SHANK2: variants seen among roughly 807,000 people sequenced by gnomAD.
The protein encoded by SHANK2 is SH3 and multiple ankyrin repeat domains protein 2.
A neutral mutation model predicts 133.7 loss-of-function variants in SHANK2; 43 were observed. The observed-to-expected ratio is 0.32, with a 90% CI of 0.25 to 0.41. The LOEUF is 0.41. Among genes scored for constraint, SHANK2 ranks in the 10% least tolerant of loss-of-function variants. The pLI is 1.00. For synonymous variants in SHANK2, 1,017 were observed against 952.8 expected, an observed-to-expected ratio of 1.07 and a Z score of -1.24; for missense variants, 1,994 against 2,235.8, an observed-to-expected ratio of 0.89 and a Z score of 2.18.
intron 11 of SHANK2, among the ~76,000 whole-genome samples, chr11:70,821,649 T>C (rs1443095090): frequency 6.6e-6 from 1 of 152,120 alleles, no homozygotes; most frequent in Non-Finnish European, 1.5e-5. Context: ...GGTCTCGAAC[T>C]CCCGATCTTG....
chr11:71,077,865 T>A (rs1320336267), intron 8 of SHANK2, among the ~76,000 whole-genome samples: 1 of 152,114 alleles, frequency 6.6e-6, no homozygotes, highest in Non-Finnish European at 1.5e-5. Context: ...AAAACTAGAA[T>A]ATGCCTTGTG....
At chr11:70,836,642 T>C (rs1307322078) in intron 11 of SHANK2, among the ~76,000 whole-genome samples, 3 of 152,204 alleles carry the variant, frequency 2.0e-5, no homozygotes, top group African/African-American at 7.2e-5. Context: ...AGACTGCAGA[T>C]GCCAGGACCA....
chr11:70,859,599 T>C (rs1949226030), intron 11 of SHANK2, among the ~76,000 whole-genome samples: 1 of 152,152 alleles, frequency 6.6e-6, no homozygotes, highest in African/African-American at 2.4e-5. Flanking sequence ...AATGACATCA[T>C]AGGTAGATAT....
chr11:71,218,003 AC>A (rs1954449408), intron 2 of SHANK2, among the ~76,000 whole-genome samples: 1 of 151,836 alleles, frequency 6.6e-6, no homozygotes, highest in Non-Finnish European at 1.5e-5. Flanking sequence ...GGCACCCGCC[AC>A]CACGCCCGGC....
intron 17 of SHANK2, among the ~76,000 whole-genome samples, chr11:70,636,774 CTG>C (rs1565201885): frequency 9.6e-6 from 1 of 104,648 alleles, no homozygotes; most frequent in Non-Finnish European, 2.1e-5. Flanking sequence ...GTGTGAGCAT[CTG>C]TGTGAGCATG....
intron 14 of SHANK2, among the ~76,000 whole-genome samples, chr11:70,788,795 G>A (rs1947724099): frequency 1.3e-5 from 2 of 152,202 alleles, no homozygotes; most frequent in Admixed American, 6.5e-5. Flanking sequence ...CACACAGGGT[G>A]TCCTATAGGA....
At chr11:70,521,055 A>G (rs185338232) in intron 17 of SHANK2, among the ~76,000 whole-genome samples, 15 of 152,322 alleles carry the variant, frequency 9.8e-5, no homozygotes, top group African/African-American at 3.4e-4. Flanking sequence ...TGTGTCTTCA[A>G]TACCTTCCTT....
At chr11:70,679,267 G>A (rs971005099) in intron 15 of SHANK2, among the ~76,000 whole-genome samples, 2 of 152,222 alleles carry the variant, frequency 1.3e-5, no homozygotes, top group Non-Finnish European at 2.9e-5. Flanking sequence ...GGAAGCTGCG[G>A]CTCAGAAAGG....
At chr11:70,514,198 T>C (rs2059238729) in intron 17 of SHANK2, among the ~76,000 whole-genome samples, 1 of 152,192 alleles carries the variant, frequency 6.6e-6, no homozygotes, top group Admixed American at 6.5e-5. Context: ...TCAGAAACCA[T>C]GGAGAAGAAC....
At chr11:70,852,300 G>C (rs7945954) in intron 11 of SHANK2, among the ~76,000 whole-genome samples, 5,495 of 152,286 alleles carry the variant, frequency 0.036, 283 homozygotes, top group African/African-American at 0.12. Flanking sequence ...GGGAGAGCGA[G>C]GAACGTAAAC....
chr11:70,735,476 C>T (rs1425796978), intron 14 of SHANK2, among the ~76,000 whole-genome samples: 1 of 152,096 alleles, frequency 6.6e-6, no homozygotes, highest in African/African-American at 2.4e-5. Context: ...GATGCTGAGA[C>T]AGGCAGATCA....
rs1409666479 is a variant in SHANK2, at chr11:70,698,760, G to T, written c.1781C>A (p.Thr594Asn). Residue 594 changes from threonine to asparagine, a missense_variant, in exon 15 of 26, where the codon ACC becomes AAC. Around this residue, in one of 5 missense-constraint regions of SHANK2, gnomAD observed 653 missense variants for 563.4 expected, o/e 1.16. Coordinates refer to ENST00000601538, the MANE Select transcript of SHANK2 (RefSeq NM_012309.5). ...QCKPRDSQAETRADRSKKLFR... is the reference protein window; with the variant it reads ...QCKPRDSQAENRADRSKKLFR... Reference sequence around the variant, plus strand: ...AAGCTTCTTGCTGCGGTCAGCGCGGGTTTCTGTACAGAGAGGGAAGAGAAA... The same window carrying T: ...AAGCTTCTTGCTGCGGTCAGCGCGGTTTTCTGTACAGAGAGGGAAGAGAAA... 2 of 718,528 alleles carry T rather than the reference G, an allele frequency of 2.8e-6. No homozygotes were observed. The highest frequency in any genetic ancestry group is 5.2e-6 in the Non-Finnish European group (2 of 385,108). The allele number at this position is 718,528 out of a possible 1,614,324, so 44.5% of individuals were successfully genotyped here.
intron 1 of SHANK2, among the ~76,000 whole-genome samples, chr11:71,232,092 T>C (rs1954750875): frequency 6.6e-6 from 1 of 152,148 alleles, no homozygotes; most frequent in Non-Finnish European, 1.5e-5. Flanking sequence ...TCTAGAAAGT[T>C]GTGCTGACCA....
At chr11:70,785,428 C>G (rs1210284604) in intron 14 of SHANK2, among the ~76,000 whole-genome samples, 1 of 152,212 alleles carries the variant, frequency 6.6e-6, no homozygotes, top group Non-Finnish European at 1.5e-5. Flanking sequence ...ATCCCCTTAC[C>G]TAACTCTCCT....
chr11:71,073,655 T>C (rs1363404092), intron 9 of SHANK2, among the ~76,000 whole-genome samples: 9 of 151,956 alleles, frequency 5.9e-5, no homozygotes, highest in Non-Finnish European at 1.0e-4. Context: ...TTTGTAGAGA[T>C]GGGGTCTCAC....
At chr11:70,907,843 T>C in intron 10 of SHANK2, 2 of 453,994 alleles carry the variant, frequency 4.4e-6, no homozygotes, top group Non-Finnish European at 8.9e-6. Context: ...GGCTCATGCC[T>C]GTAATCCCAA....
chr11:70,716,865 G>A (rs58776623), intron 14 of SHANK2, among the ~76,000 whole-genome samples: 7,904 of 149,672 alleles, frequency 0.053, 758 homozygotes, highest in African/African-American at 0.19. Flanking sequence ...GGTGGCAGGC[G>A]CCTCACATCT....
At chr11:71,128,001 G>GGGC in intron 3 of SHANK2, among the ~76,000 whole-genome samples, 1 of 152,242 alleles carries the variant, frequency 6.6e-6, no homozygotes, top group South Asian at 2.1e-4. Flanking sequence ...CTTTCCACCG[G>GGGC]GGCCGAGGTC....
chr11:70,945,252 C>T (rs538846611), intron 10 of SHANK2, among the ~76,000 whole-genome samples: 1 of 152,112 alleles, frequency 6.6e-6, no homozygotes, highest in Non-Finnish European at 1.5e-5. Context: ...TAGTCAGAGT[C>T]CACAGCAGTG....
Sources: gnomAD v4.1 joint callset for allele counts (sites outside exome capture counted in the v4.1 genomes callset) on GRCh38, gnomAD v4.1.1 for gene constraint, gnomAD v4.1.1 regional missense constraint, MANE v1.5 for transcripts, NCBI Gene and HGNC (gene_info 2026-07-23, HGNC 2026-07-21) for gene names.